Variants in CCDC39 observed in about 807,000 individuals in gnomAD.
CCDC39 encodes coiled-coil domain-containing protein 39.
CCDC39 carries 113 observed loss-of-function variants against 121.0 expected under a neutral mutation model. That is an observed-to-expected ratio of 0.93 (90% CI 0.80 to 1.09). The LOEUF (loss-of-function observed/expected upper bound fraction) is 1.09, where lower values mean the gene tolerates loss of function less well. Among genes scored for constraint, CCDC39 ranks in the 50% least tolerant of loss-of-function variants. The pLI is 0.00. For missense variants in CCDC39, 1,063 were observed against 1,074.7 expected (o/e 0.99, Z 0.15); for synonymous variants, 349 against 352.2 (o/e 0.99, Z 0.10).
At chr3:180,617,686 G>A in intron 16 of CCDC39, 2 of 393,284 alleles carry the variant, frequency 5.1e-6, no homozygotes, top group East Asian at 7.2e-5. Flanking sequence ...TTGTGCAGTT[G>A]AACAATGAGT....
At chr3:180,641,914 G>T in intron 13 of CCDC39, 79 bp downstream of exon 13, 1 of 977,678 alleles carries the variant, frequency 1.0e-6, no homozygotes, top group Non-Finnish European at 1.5e-6. Flanking sequence ...GCACATCCGG[G>T]ATGTTAGAGG....
chr3:180,659,568 T>C lies in CCDC39; in HGVS notation c.622A>G (p.Lys208Glu). Residue 208 changes from lysine to glutamate, a missense_variant, in exon 6 of 20, where the codon AAA becomes GAA. By Grantham distance (56) the Lys-to-Glu change is moderately conservative. Coordinates refer to ENST00000476379, the MANE Select transcript of CCDC39 (RefSeq NM_181426.2). ...ATCTTACGAAAATCTTGTGCTGCTT[T>C]ATCCAATTCTAACTGTCAAACAGAG... ...ETISAQLELD[K>E]AAQDFRKIHN... 1 of 1,612,568 alleles carries C rather than the reference T, an allele frequency of 6.2e-7. No individual in the cohort carries two copies.
chr3:180,657,253 G>T (rs979582434), intron 6 of CCDC39, among the ~76,000 whole-genome samples: 5 of 152,058 alleles, frequency 3.3e-5, no homozygotes, highest in African/African-American at 1.2e-4. Flanking sequence ...GCTGCCTAAC[G>T]GAACCACCTC....
chr3:180,679,371 C>T lies in CCDC39; in HGVS notation c.10G>A (p.Glu4Lys). The change falls in exon 1 of 20, where the codon GAA (glutamate) becomes AAA (lysine). Residue 4 changes from glutamate (E) to lysine (K), a missense_variant. Coordinates refer to ENST00000476379, the MANE Select transcript of CCDC39 (RefSeq NM_181426.2). This position sits in a 1 kb window ranked among gnomAD's most constrained non-coding sequence, Gnocchi z 4.0. ...TCCCAGTGCAGCTCAGCCAGGAATT[C>T]GCTACTCATGACTGCAAACGGATAG... Reference protein sequence around the residue: MSSEFLAELHWEDG... With the variant: MSSKFLAELHWEDG... The T allele has an allele frequency of 6.2e-7, 1 of 1,613,838 alleles. No individual in the cohort carries two copies. Among genetic ancestry groups the T allele is most frequent in the Non-Finnish European group, 8.5e-7 (1 of 1,179,772 alleles).
chr3:180,617,289 A>G (rs1340014287), intron 16 of CCDC39: 1 of 478,192 alleles, frequency 2.1e-6, no homozygotes, highest in Non-Finnish European at 3.7e-6. Context: ...AGCACATACA[A>G]TTATGTACAG....
chr3:180,615,951 TCCC>T (rs1464765042), intron 19 of CCDC39, among the ~76,000 whole-genome samples: 1 of 152,140 alleles, frequency 6.6e-6, no homozygotes. Flanking sequence ...TTAAAAAAAT[TCCC>T]CCAACTTGGG....
At chr3:180,642,325 ATATTAGC>A in intron 12 of CCDC39, 124 bp from the exon 13 acceptor site, 1 of 509,816 alleles carries the variant, frequency 2.0e-6, no homozygotes, top group South Asian at 3.9e-5. Flanking sequence ...ATTGACTAAG[ATATTAGC>A]TAGGCCTAAA....
chr3:180,651,937 T>A (rs1422609846), intron 8 of CCDC39, among the ~76,000 whole-genome samples: 2 of 151,698 alleles, frequency 1.3e-5, no homozygotes, highest in African/African-American at 4.9e-5. Context: ...CTCAGGAGAC[T>A]GAGGCAGGAA....
chr3:180,666,944 C>CA (rs150946597), intron 1 of CCDC39, among the ~76,000 whole-genome samples: 1 of 151,536 alleles, frequency 6.6e-6, no homozygotes, highest in Admixed American at 6.6e-5. Context: ...CATGGTGCTA[C>CA]AAAAAAGCAA....
At chr3:180,627,501 A>C (rs1717591978) in intron 14 of CCDC39, among the ~76,000 whole-genome samples, 1 of 152,180 alleles carries the variant, frequency 6.6e-6, no homozygotes, top group Non-Finnish European at 1.5e-5. Flanking sequence ...AAGTTCTAAA[A>C]TTCTGATTCC....
intron 12 of CCDC39, among the ~76,000 whole-genome samples, chr3:180,643,562 A>G (rs749224469): frequency 6.6e-6 from 1 of 152,200 alleles, no homozygotes; most frequent in African/African-American, 2.4e-5. Flanking sequence ...GTGGTAGTGA[A>G]TAAAATAGAA....
At chr3:180,619,721 C>T in intron 15 of CCDC39, 90 bp downstream of exon 15, 1 of 778,016 alleles carries the variant, frequency 1.3e-6, no homozygotes. Flanking sequence ...ACATAGTTTG[C>T]TTTTGTTCTT....
chr3:180,631,033 A>T (rs80084238), intron 14 of CCDC39, among the ~76,000 whole-genome samples: 4,386 of 152,336 alleles, frequency 0.029, 95 homozygotes, highest in Admixed American at 0.049. Context: ...ACAGGTTGTC[A>T]CATGCATACC....
chr3:180,632,649 A>ACAT (rs1560084218), intron 13 of CCDC39, among the ~76,000 whole-genome samples: 1 of 152,184 alleles, frequency 6.6e-6, no homozygotes, highest in Non-Finnish European at 1.5e-5. Context: ...AAAAACAGCA[A>ACAT]CATAGCAGTT....
intron 12 of CCDC39, among the ~76,000 whole-genome samples, chr3:180,643,671 A>T (rs1038672753): frequency 1.3e-5 from 2 of 152,202 alleles, no homozygotes; most frequent in African/African-American, 4.8e-5. Context: ...TTTCTTTCTG[A>T]ATCATAATTA....
intron 14 of CCDC39, among the ~76,000 whole-genome samples, chr3:180,623,875 A>G (rs1057019215): frequency 2.0e-5 from 3 of 151,216 alleles, no homozygotes; most frequent in Non-Finnish European, 2.9e-5. Context: ...GAGATGTTCC[A>G]TGTGCTTATG....
chr3:180,644,630 G>T (rs533407284), intron 11 of CCDC39, among the ~76,000 whole-genome samples: 1 of 152,142 alleles, frequency 6.6e-6, no homozygotes, highest in East Asian at 1.9e-4. Flanking sequence ...ATATAAAATG[G>T]CATAGTATTT....
rs776688915 is a variant in CCDC39 at position 180,663,956 on chromosome 3, A to G, written c.121T>C (p.Leu41=). The G allele has an allele frequency of 6.2e-7, 1 of 1,612,168 alleles. No homozygotes were observed. Among genetic ancestry groups the G allele is most frequent in the Admixed American group, 1.7e-5 (1 of 60,008 alleles). The change falls in exon 2 of 20, where the codon TTG becomes CTG. Residue 41 remains leucine (L), a synonymous_variant. Coordinates refer to ENST00000476379, the MANE Select transcript of CCDC39 (RefSeq NM_181426.2). ...TCATACTCACGTAACTCATCTTGCA[A>G]GCTTGCTCTTTCATCCTTCAGCTTT... is the stretch of plus-strand genomic sequence containing the variant. ...LSKLKDERAS[L]QDELREYEER...
chr3:180,665,421 A>G (rs1274051775), intron 1 of CCDC39, among the ~76,000 whole-genome samples: 1 of 152,220 alleles, frequency 6.6e-6, no homozygotes, highest in African/African-American at 2.4e-5. Flanking sequence ...TCCTGAGGGT[A>G]CACAACACAA....
Sources: gnomAD v4.1 joint callset for allele counts (sites outside exome capture counted in the v4.1 genomes callset) on GRCh38, gnomAD v4.1.1 for gene constraint, Gnocchi (gnomAD v3.1) non-coding constraint, MANE v1.5 for transcripts, NCBI Gene and HGNC (gene_info 2026-07-23, HGNC 2026-07-21) for gene names.